The following C12orf54 variants were observed in gnomAD, a reference collection of about 807,000 sequenced individuals.
C12orf54 encodes the protein uncharacterized protein C12orf54.
In C12orf54, 24 loss-of-function variants were observed where a neutral mutation model predicts 26.4. That is an observed-to-expected ratio of 0.91 (90% CI 0.66 to 1.28). The LOEUF is 1.28. Ranked by LOEUF, C12orf54 falls within the 50% of genes most tolerant of loss-of-function variation. The probability of loss-of-function intolerance (pLI) is 0.00; values close to 1 mark genes in which losing one functional copy is unlikely to be tolerated. For synonymous variants in C12orf54, 54 were observed against 47.0 expected, an observed-to-expected ratio of 1.15 and a Z score of -0.61; for missense variants, 154 against 150.9, an observed-to-expected ratio of 1.02 and a Z score of -0.11.
the C12orf54 span, among the ~76,000 whole-genome samples, chr12:48,448,255 G>A: frequency 2.0e-5 from 3 of 152,150 alleles, no homozygotes; most frequent in Non-Finnish European, 4.4e-5. Context: ...TATATTTATT[G>A]TAATTTCATT....
the C12orf54 span, among the ~76,000 whole-genome samples, chr12:48,423,824 C>T: frequency 6.6e-6 from 1 of 151,856 alleles, no homozygotes; most frequent in African/African-American, 2.4e-5. Flanking sequence ...TTCAATCTAT[C>T]TTTTTTTTCT....
chr12:48,449,434 C>A, the C12orf54 span, among the ~76,000 whole-genome samples: 1 of 152,036 alleles, frequency 6.6e-6, no homozygotes, highest in Non-Finnish European at 1.5e-5. Context: ...GAAAGTAAGT[C>A]ACTATATTGG....
the C12orf54 span, among the ~76,000 whole-genome samples, chr12:48,420,368 G>A: frequency 6.6e-6 from 1 of 152,284 alleles, no homozygotes; most frequent in Non-Finnish European, 1.5e-5. Flanking sequence ...CTAAACTTTA[G>A]ACAGGTTTCT....
the C12orf54 span, among the ~76,000 whole-genome samples, chr12:48,467,661 C>T: frequency 5.3e-5 from 8 of 151,940 alleles, no homozygotes; most frequent in African/African-American, 1.7e-4. Flanking sequence ...GCAGAGAGGG[C>T]TAAGATGACA....
chr12:48,481,359 A>G (rs1339863613), upstream of C12orf54, among the ~76,000 whole-genome samples: 1 of 152,124 alleles, frequency 6.6e-6, no homozygotes, highest in Non-Finnish European at 1.5e-5. Flanking sequence ...TCCTTATGGA[A>G]ACTGAGGTAA....
At chr12:48,451,875 G>A in the C12orf54 span, among the ~76,000 whole-genome samples, 1 of 152,286 alleles carries the variant, frequency 6.6e-6, no homozygotes, top group Non-Finnish European at 1.5e-5. Context: ...TTTATGAATA[G>A]GAAGAATCAA....
the C12orf54 span, among the ~76,000 whole-genome samples, chr12:48,437,807 A>G: frequency 6.8e-3 from 1,042 of 152,192 alleles, 14 homozygotes; most frequent in African/African-American, 0.024. Flanking sequence ...TACTGAATGG[A>G]CAAAAACTGG....
rs369223219 is a variant in C12orf54, at chr12:48,495,853, TGA to T, written c.*41-327_*41-326del. Among the ~76,000 whole-genome samples the T allele has an allele frequency of 7.9e-3, 1,201 of 152,342 alleles. 11 individuals carry two copies. The highest frequency in any genetic ancestry group is 0.027 in the African/African-American group (1,108 of 41,582). On this transcript the variant is annotated intron_variant, in intron 8 of 8. Coordinates refer to ENST00000548364, the MANE Select transcript of C12orf54 (RefSeq NM_152319.4). ...TTTTATCATTAAGATTATATTTTGC[TGA>T]ATGTAATACATACACTCACAAAACC...
the C12orf54 span, among the ~76,000 whole-genome samples, chr12:48,457,275 T>G: frequency 8.5e-6 from 1 of 117,762 alleles, no homozygotes; most frequent in African/African-American, 2.7e-5. Context: ...CAGTTTTTTG[T>G]TGTTGTTGTT....
chr12:48,430,303 T>C, the C12orf54 span, among the ~76,000 whole-genome samples: 1 of 152,190 alleles, frequency 6.6e-6, no homozygotes, highest in African/African-American at 2.4e-5. Context: ...GATAAATAGC[T>C]GGGACTTAAT....
At chr12:48,424,060 A>G in the C12orf54 span, among the ~76,000 whole-genome samples, 609 of 152,210 alleles carry the variant, frequency 4.0e-3, 4 homozygotes, top group African/African-American at 0.014. Flanking sequence ...TTATAAGTGG[A>G]AGATAAACAT....
chr12:48,475,031 T>A, the C12orf54 span, among the ~76,000 whole-genome samples: 1 of 152,156 alleles, frequency 6.6e-6, no homozygotes, highest in African/African-American at 2.4e-5. Flanking sequence ...CACAGCCGGG[T>A]ACTCCTCTGA....
chr12:48,493,889 T>C (rs972325146), intron 7 of C12orf54, among the ~76,000 whole-genome samples: 2 of 150,242 alleles, frequency 1.3e-5, no homozygotes, highest in East Asian at 3.9e-4. Flanking sequence ...AGCAGCGCCA[T>C]GTACTTCAGA....
At chr12:48,449,164 G>A in the C12orf54 span, among the ~76,000 whole-genome samples, 1 of 152,150 alleles carries the variant, frequency 6.6e-6, no homozygotes, top group Admixed American at 6.6e-5. Context: ...AGAGACAATA[G>A]ATGACAACTG....
chr12:48,458,682 CATT>C, the C12orf54 span, among the ~76,000 whole-genome samples: 1 of 151,454 alleles, frequency 6.6e-6, no homozygotes, highest in East Asian at 1.9e-4. Context: ...GATCTCTAGT[CATT>C]ATTGTTTTAT....
the C12orf54 span, among the ~76,000 whole-genome samples, chr12:48,415,036 C>G: frequency 6.6e-6 from 1 of 152,194 alleles, no homozygotes; most frequent in Non-Finnish European, 1.5e-5. Flanking sequence ...CATTCAGCAT[C>G]TCCAGTAAGT....
At chr12:48,437,476 G>A in the C12orf54 span, among the ~76,000 whole-genome samples, 2 of 152,152 alleles carry the variant, frequency 1.3e-5, no homozygotes, top group Non-Finnish European at 2.9e-5. Flanking sequence ...CAATATCCTT[G>A]ATGAACATTG....
the C12orf54 span, among the ~76,000 whole-genome samples, chr12:48,452,702 A>C: frequency 6.6e-6 from 1 of 152,226 alleles, no homozygotes; most frequent in East Asian, 1.9e-4. Flanking sequence ...AGACATGAAC[A>C]AATACATCTC....
the C12orf54 span, among the ~76,000 whole-genome samples, chr12:48,455,006 TG>T: frequency 6.6e-6 from 1 of 152,206 alleles, no homozygotes; most frequent in Admixed American, 6.5e-5. Context: ...GTTTGTTATG[TG>T]GGTAAATTGC....
Sources: allele counts gnomAD v4.1 joint callset (sites outside exome capture counted in the v4.1 genomes callset), GRCh38; gene constraint gnomAD v4.1.1; transcripts MANE v1.5; gene names NCBI Gene and HGNC (gene_info 2026-07-23, HGNC 2026-07-21).